Variants in CSTPP1 observed in about 807,000 individuals in gnomAD.
CSTPP1 encodes the protein centriolar satellite-associated tubulin polyglutamylase complex regulator 1.
At chr11:46,971,512 A>G in the CSTPP1 span, among the ~76,000 whole-genome samples, 2 of 152,376 alleles carry the variant, frequency 1.3e-5, no homozygotes, top group East Asian at 1.9e-4. Flanking sequence ...GAAGTAACTC[A>G]AAAGAGAAAA....
chr11:47,133,813 GT>G, the CSTPP1 span, among the ~76,000 whole-genome samples: 1 of 152,206 alleles, frequency 6.6e-6, no homozygotes, highest in Non-Finnish European at 1.5e-5. Context: ...TTGAATTCCA[GT>G]TCTACCTCTT....
chr11:46,968,218 G>T, the CSTPP1 span, among the ~76,000 whole-genome samples: 2 of 151,646 alleles, frequency 1.3e-5, no homozygotes, highest in Non-Finnish European at 2.9e-5. Context: ...GTCTACTGGG[G>T]CCTAGCGCAG....
At chr11:47,047,500 A>G in the CSTPP1 span, among the ~76,000 whole-genome samples, 3 of 152,226 alleles carry the variant, frequency 2.0e-5, no homozygotes, top group Non-Finnish European at 4.4e-5. Flanking sequence ...CAGTCTTTTC[A>G]ACCAATGGTG....
the CSTPP1 span, among the ~76,000 whole-genome samples, chr11:47,119,363 C>T: frequency 6.6e-5 from 10 of 152,176 alleles, no homozygotes; most frequent in South Asian, 2.1e-4. Context: ...TAGTCTGTCA[C>T]GGCTCCCCTT....
At chr11:47,150,171 C>A in the CSTPP1 span, among the ~76,000 whole-genome samples, 5 of 152,112 alleles carry the variant, frequency 3.3e-5, no homozygotes, top group African/African-American at 1.2e-4. Context: ...ACGGACTGTC[C>A]AGACCTGAAG....
the CSTPP1 span, among the ~76,000 whole-genome samples, chr11:47,119,395 G>A: frequency 1.7e-4 from 26 of 152,200 alleles, no homozygotes; most frequent in Non-Finnish European, 3.1e-4. Flanking sequence ...GGAACTCCCC[G>A]ACCCCTTGTG....
the CSTPP1 span, among the ~76,000 whole-genome samples, chr11:47,152,745 C>G: frequency 2.0e-5 from 3 of 151,980 alleles, no homozygotes; most frequent in Non-Finnish European, 4.4e-5. Flanking sequence ...AAATAAATAG[C>G]AAGTGGAAGT....
At chr11:47,064,729 T>TTTTG in the CSTPP1 span, among the ~76,000 whole-genome samples, 7 of 151,994 alleles carry the variant, frequency 4.6e-5, no homozygotes, top group Non-Finnish European at 1.0e-4. Flanking sequence ...GGTTTTTTTG[T>TTTTG]TTTGTTTGTT....
the CSTPP1 span, among the ~76,000 whole-genome samples, chr11:47,095,010 T>G: frequency 2.6e-5 from 4 of 152,048 alleles, no homozygotes; most frequent in Admixed American, 2.6e-4. Context: ...ATATTTTTAT[T>G]TTACTGATTT....
chr11:47,141,932 CAAAAA>C, the CSTPP1 span, among the ~76,000 whole-genome samples: 1,244 of 37,824 alleles, frequency 0.033, 20 homozygotes, highest in African/African-American at 0.11. Context: ...GACTCTGTCT[CAAAAA>C]AAAAAAAAAA....
the CSTPP1 span, among the ~76,000 whole-genome samples, chr11:47,065,782 C>T: frequency 1.3e-5 from 2 of 151,664 alleles, no homozygotes; most frequent in African/African-American, 4.8e-5. Flanking sequence ...CTCACTCTGT[C>T]GCCCAGGCTA....
chr11:47,002,638 C>G, the CSTPP1 span, among the ~76,000 whole-genome samples: 1 of 152,068 alleles, frequency 6.6e-6, no homozygotes, highest in African/African-American at 2.4e-5. Flanking sequence ...CACCCCACCC[C>G]CTGCCTTCTA....
chr11:47,134,314 C>G, the CSTPP1 span, among the ~76,000 whole-genome samples: 4 of 152,128 alleles, frequency 2.6e-5, no homozygotes, highest in East Asian at 5.8e-4. Context: ...TCTCCTGCCC[C>G]CCAAGTAGCT....
chr11:47,031,427 C>T, the CSTPP1 span, among the ~76,000 whole-genome samples: 5 of 152,154 alleles, frequency 3.3e-5, no homozygotes, highest in Non-Finnish European at 7.3e-5. Context: ...CATGGTGGCT[C>T]ACGTCTGTAA....
chr11:46,968,360 A>G, the CSTPP1 span, among the ~76,000 whole-genome samples: 1 of 146,862 alleles, frequency 6.8e-6, no homozygotes, highest in African/African-American at 2.5e-5. Flanking sequence ...ATTAATATAT[A>G]TAATATATAA....
chr11:46,954,414 T>C, the CSTPP1 span, among the ~76,000 whole-genome samples: 2 of 152,074 alleles, frequency 1.3e-5, no homozygotes, highest in South Asian at 4.1e-4. Flanking sequence ...TTGGGTATGG[T>C]GGCAGGTGCC....
At chr11:47,018,916 C>G in the CSTPP1 span, among the ~76,000 whole-genome samples, 1 of 152,078 alleles carries the variant, frequency 6.6e-6, no homozygotes, top group Non-Finnish European at 1.5e-5. Context: ...TTTATATATT[C>G]TGGATACAAG....
At chr11:47,132,546 A>C in the CSTPP1 span, among the ~76,000 whole-genome samples, 1 of 152,214 alleles carries the variant, frequency 6.6e-6, no homozygotes, top group Non-Finnish European at 1.5e-5. Context: ...TTTTAAGACA[A>C]GGAAACCAAG....
the CSTPP1 span, among the ~76,000 whole-genome samples, chr11:47,090,910 G>A: frequency 1.3e-5 from 2 of 149,122 alleles, no homozygotes; most frequent in Non-Finnish European, 3.0e-5. Flanking sequence ...GCGGTGGCGG[G>A]CGCCTGTGGT....
Sources: allele counts gnomAD v4.1 joint callset (sites outside exome capture counted in the v4.1 genomes callset), GRCh38; gene constraint gnomAD v4.1.1; transcripts MANE v1.5; gene names NCBI Gene and HGNC (gene_info 2026-07-23, HGNC 2026-07-21).